Variants in FHIT observed in about 807,000 individuals in gnomAD.
FHIT encodes fragile histidine triad diadenosine triphosphatase, also known as bis(5'-adenosyl)-triphosphatase.
Under a neutral mutation model 17.9 loss-of-function variants are expected in FHIT, and 19 were observed. The observed-to-expected ratio is 1.06, with a 90% CI of 0.74 to 1.56. FHIT has a LOEUF of 1.56. FHIT is among the 40% of genes most tolerant of loss of function. The pLI is 0.00. For synonymous variants in FHIT, 81 were observed against 69.7 expected (o/e 1.16, Z -0.81); for missense variants, 248 against 189.2 (o/e 1.31, Z -1.82).
chr3:60,613,997 C>T (rs1205597729), intron 4 of FHIT, among the ~76,000 whole-genome samples: 1 of 152,006 alleles, frequency 6.6e-6, no homozygotes, highest in Non-Finnish European at 1.5e-5. Flanking sequence ...AGAAAATCAA[C>T]AGAGCAGAGA....
At chr3:59,806,198 T>C (rs1011418674) in intron 8 of FHIT, among the ~76,000 whole-genome samples, 2 of 150,330 alleles carry the variant, frequency 1.3e-5, no homozygotes, top group African/African-American at 4.9e-5. Flanking sequence ...AAAAAGATCA[T>C]GGGGAATAAT....
At position 60,553,433 on chromosome 3, in the gene FHIT, T is replaced by C. The variant is rs867285734; in HGVS notation, c.-17-16454A>G. On this transcript the variant is annotated intron_variant, in intron 4 of 9. Coordinates refer to ENST00000492590, the MANE Select transcript of FHIT (RefSeq NM_002012.4). The stretch of plus-strand genomic sequence containing the variant: ...GACCTTTTATGCAAAAAGAGGTCAC[T>C]GCTTTAAAATATATATATATATATA... 9.5e-5 allele frequency: 69 copies of C among 725,884 alleles called. No homozygotes were observed. The African/African-American group carries it at 1.2e-3, about 13-fold the overall frequency. 45.0% of individuals were successfully genotyped at this position (725,884 alleles called of 1,614,324 possible).
chr3:60,273,567 C>T (rs1706973550), intron 5 of FHIT, among the ~76,000 whole-genome samples: 1 of 152,050 alleles, frequency 6.6e-6, no homozygotes, highest in Non-Finnish European at 1.5e-5. Context: ...TGAGATCACA[C>T]CACTGCATTC....
At chr3:60,032,508 C>T (rs192839130) in intron 5 of FHIT, among the ~76,000 whole-genome samples, 14 of 151,862 alleles carry the variant, frequency 9.2e-5, no homozygotes, top group Admixed American at 5.2e-4. Context: ...GGTATACAAG[C>T]GTCACCAACA....
chr3:61,174,110 T>C (rs954678042), intron 2 of FHIT, among the ~76,000 whole-genome samples: 1 of 152,204 alleles, frequency 6.6e-6, no homozygotes, highest in Non-Finnish European at 1.5e-5. Flanking sequence ...TAATGGAAAC[T>C]GCAGGTGTTA....
chr3:60,765,441 C>T (rs1250365937), intron 4 of FHIT: 1 of 152,018 alleles, frequency 6.6e-6, no homozygotes, highest in Non-Finnish European at 1.5e-5. Flanking sequence ...TGATTAGGGG[C>T]CCACGAGTGT....
At chr3:60,457,224 A>G (rs2107393715) in intron 5 of FHIT, among the ~76,000 whole-genome samples, 1 of 152,226 alleles carries the variant, frequency 6.6e-6, no homozygotes, top group East Asian at 1.9e-4. Context: ...TACTGGTACC[A>G]AAACAGAGAT....
chr3:60,221,979 A>G (rs1703982086), intron 5 of FHIT, among the ~76,000 whole-genome samples: 1 of 152,016 alleles, frequency 6.6e-6, no homozygotes, highest in Non-Finnish European at 1.5e-5. Context: ...TTCGCATTCC[A>G]TTAGGAGCAC....
At chr3:60,077,719 C>CAT (rs1392081962) in intron 5 of FHIT, among the ~76,000 whole-genome samples, 29 of 102,688 alleles carry the variant, frequency 2.8e-4, no homozygotes, top group Admixed American at 1.5e-3. Flanking sequence ...CACACACACA[C>CAT]ACACACACAC....
chr3:60,404,729 T>C (rs948469094), intron 5 of FHIT, among the ~76,000 whole-genome samples: 65 of 152,108 alleles, frequency 4.3e-4, no homozygotes, highest in African/African-American at 1.5e-3. Flanking sequence ...TTTGGATTTG[T>C]TGAATGTAAG....
In FHIT at chr3:59,890,301, A is replaced by G. The variant is rs140229535; in HGVS notation, c.348+32045T>C. 2.3e-3 allele frequency among the ~76,000 whole-genome samples: 357 copies of G among 152,130 alleles called. 1 individual carries two copies. The highest frequency in any genetic ancestry group is 8.1e-3 in the African/African-American group (337 of 41,512). Reference sequence around the variant, plus strand: ...TGGTGGTGTCCATAGCTGGTTCTCCATTTTCTACATTCCTCATGTTAGAAT... The same window carrying G: ...TGGTGGTGTCCATAGCTGGTTCTCCGTTTTCTACATTCCTCATGTTAGAAT... On this transcript the variant is annotated intron_variant, in intron 8 of 9. Coordinates refer to ENST00000492590, the MANE Select transcript of FHIT (RefSeq NM_002012.4).
At chr3:60,802,882 T>A (rs1701242395) in intron 4 of FHIT, among the ~76,000 whole-genome samples, 1 of 152,184 alleles carries the variant, frequency 6.6e-6, no homozygotes, top group Non-Finnish European at 1.5e-5. Flanking sequence ...AGCCTCCATC[T>A]TTCCTGAATC....
At chr3:60,758,137 C>T (rs1699514429) in intron 4 of FHIT, among the ~76,000 whole-genome samples, 1 of 152,182 alleles carries the variant, frequency 6.6e-6, no homozygotes, top group Non-Finnish European at 1.5e-5. Flanking sequence ...TTGTATCCCA[C>T]CACCCAGGGC....
At chr3:61,164,092 TGTAA>T (rs2037769331) in intron 2 of FHIT, among the ~76,000 whole-genome samples, 1 of 152,196 alleles carries the variant, frequency 6.6e-6, no homozygotes, top group Non-Finnish European at 1.5e-5. Context: ...TGCATTTTGA[TGTAA>T]GTGTTACTGA....
chr3:60,598,178 C>T (rs1288532327), intron 4 of FHIT, among the ~76,000 whole-genome samples: 3 of 152,058 alleles, frequency 2.0e-5, no homozygotes, highest in South Asian at 2.1e-4. Context: ...TATTCAGAAA[C>T]AAGATTTGGG....
At chr3:60,002,585 C>T (rs1166620042) in intron 7 of FHIT, among the ~76,000 whole-genome samples, 1 of 152,156 alleles carries the variant, frequency 6.6e-6, no homozygotes, top group South Asian at 2.1e-4. Context: ...TCTCACCATC[C>T]CAACATTTTT....
At chr3:60,537,481 T>C in intron 4 of FHIT, 2 of 982,932 alleles carry the variant, frequency 2.0e-6, no homozygotes, top group Non-Finnish European at 2.4e-6. Context: ...TACAAAAACA[T>C]GAGCACTTCC....
intron 5 of FHIT, among the ~76,000 whole-genome samples, chr3:60,520,015 T>C (rs569551645): frequency 6.6e-6 from 1 of 152,346 alleles, no homozygotes; most frequent in African/African-American, 2.4e-5. Flanking sequence ...TATAGTACAG[T>C]ATGTACTATA....
intron 2 of FHIT, among the ~76,000 whole-genome samples, chr3:61,098,056 G>A (rs558253825): frequency 1.3e-5 from 2 of 152,172 alleles, no homozygotes; most frequent in East Asian, 3.9e-4. Flanking sequence ...TTGCCTAGTT[G>A]ATTTCCAGGG....
Sources: allele counts gnomAD v4.1 joint callset (sites outside exome capture counted in the v4.1 genomes callset), GRCh38; gene constraint gnomAD v4.1.1; transcripts MANE v1.5; gene names NCBI Gene and HGNC (gene_info 2026-07-23, HGNC 2026-07-21).